NLRP5: variants seen among roughly 807,000 people sequenced by gnomAD.
NLRP5 encodes NLR family pyrin domain containing 5, also known as NACHT, LRR and PYD domains-containing protein 5.
Under a neutral mutation model 113.1 loss-of-function variants are expected in NLRP5, and 93 were observed. That is an observed-to-expected ratio of 0.82 (90% CI 0.70 to 0.98). The LOEUF (loss-of-function observed/expected upper bound fraction) is 0.98. NLRP5 is among the 50% of genes least tolerant of loss of function. The pLI, the probability that NLRP5 is intolerant of heterozygous loss-of-function variation, is 0.00. For missense variants in NLRP5, 1,808 were observed against 1,514.3 expected (o/e 1.19, Z -3.22); for synonymous variants, 751 against 600.7 (o/e 1.25, Z -3.66).
Position 56,027,892 on chromosome 19 carries a change from T to G in NLRP5, c.1659T>G (p.Val553=), listed in dbSNP as rs1243143311. 2 of 1,613,874 alleles carry G rather than the reference T, an allele frequency of 1.2e-6. No homozygotes were observed. The highest frequency in any genetic ancestry group is 1.7e-5 in the Admixed American group (1 of 59,984). Reference sequence around the variant, plus strand: ...TGTTTGACGGTGACGACCTCATGGTTCAAGGACTCGGGGAGTCTGAGCTCC... The same window carrying G: ...TGTTTGACGGTGACGACCTCATGGTGCAAGGACTCGGGGAGTCTGAGCTCC... Residue 553 remains valine, a synonymous_variant, in exon 7 of 15, where the codon GTT becomes GTG. Coordinates refer to ENST00000390649, the MANE Select transcript of NLRP5 (RefSeq NM_153447.4).
intron 9 of NLRP5, among the ~76,000 whole-genome samples, chr19:56,037,740 A>T (rs1370261595): frequency 6.7e-6 from 1 of 149,748 alleles, no homozygotes; most frequent in Non-Finnish European, 1.5e-5. Context: ...GTTGCTATGA[A>T]TGTTGAGACA....
chr19:56,034,352 C>T (rs1983235101), intron 9 of NLRP5, among the ~76,000 whole-genome samples: 1 of 152,230 alleles, frequency 6.6e-6, no homozygotes, highest in Non-Finnish European at 1.5e-5. Flanking sequence ...TGCCACTGCA[C>T]TCCAGCCTGG....
chr19:56,015,187 T>TTTTTG (rs1482421241), intron 3 of NLRP5, among the ~76,000 whole-genome samples: 1 of 152,066 alleles, frequency 6.6e-6, no homozygotes, highest in African/African-American at 2.4e-5. Flanking sequence ...GTTTGTTTTG[T>TTTTTG]TTTCGTTTTG....
At chr19:56,002,351 A>G (rs765082105) in intron 1 of NLRP5, among the ~76,000 whole-genome samples, 7 of 152,114 alleles carry the variant, frequency 4.6e-5, no homozygotes, top group Non-Finnish European at 8.8e-5. Context: ...AAAACTGTTT[A>G]CTGTGTTTAT....
At position 56,048,979 on chromosome 19, in the gene NLRP5, A is replaced by AT. The variant is rs60229740; in HGVS notation, c.2958-1419dup. Among the ~76,000 whole-genome samples, 439 of 94,930 alleles carry AT rather than the reference A, an allele frequency of 4.6e-3. 22 individuals are homozygous for AT. Among genetic ancestry groups the AT allele is most frequent in the East Asian group, 0.041 (123 of 2,996 alleles). The allele number at this position is 94,930 out of a possible 152,430, so 62.3% of individuals were successfully genotyped here. On this transcript the variant is annotated intron_variant, in intron 11 of 14. Transcript: ENST00000390649. ...CTTCAAGCTCTGATTTTTTTTTTTAATTTTTTTTTTTTTTTTTTTTGAGAC... is the reference window on the plus strand; with the variant it reads ...CTTCAAGCTCTGATTTTTTTTTTTAATTTTTTTTTTTTTTTTTTTTTGAGAC...
Position 56,015,819 on chromosome 19 carries a change from C to A in NLRP5, c.565+21C>A, listed in dbSNP as rs182256905. The A allele has an allele frequency of 2.7e-3, 4,178 of 1,529,022 alleles. 8 individuals are homozygous for A. Among genetic ancestry groups the A allele is most frequent in the Non-Finnish European group, 3.5e-3 (3,952 of 1,128,772 alleles). The allele number at this position is 1,529,022 out of a possible 1,614,324, so 94.7% of individuals were successfully genotyped here. A position where few individuals can be genotyped will look rare whatever the true frequency, so the allele number is the denominator to read the frequency against. ...ACAAGGTGAATGAAATAGATCTATTCATTTGTTGCCCTCCTGGAAGAAAGT... is the reference window on the plus strand; with the variant it reads ...ACAAGGTGAATGAAATAGATCTATTAATTTGTTGCCCTCCTGGAAGAAAGT... On this transcript the variant is annotated intron_variant, in intron 4 of 14. Coordinates refer to ENST00000390649, the MANE Select transcript of NLRP5 (RefSeq NM_153447.4).
chr19:56,001,047 C>T (rs185250409), intron 1 of NLRP5, among the ~76,000 whole-genome samples: 58 of 150,762 alleles, frequency 3.8e-4, no homozygotes, highest in African/African-American at 1.4e-3. Flanking sequence ...TTTGGCTGGG[C>T]GCAGTAGCTC....
chr19:56,053,288 G>C (rs60502432), intron 12 of NLRP5, among the ~76,000 whole-genome samples: 9,205 of 151,948 alleles, frequency 0.061, 353 homozygotes, highest in East Asian at 0.2. Context: ...CCAGCTATTC[G>C]GGAGGCTGAG....
rs1984344840 is a variant in NLRP5, at chr19:56,061,333, T to C, written c.3471-63T>C. On this transcript the variant is annotated intron_variant, in intron 14 of 14. Coordinates refer to ENST00000390649, the MANE Select transcript of NLRP5 (RefSeq NM_153447.4). The stretch of plus-strand genomic sequence containing the variant: ...ATCCTTGATGAGGCTACCAGGAATT[T>C]TGAAGAAGGGAGAAGAGTCGAAAGC... 1.9e-6 allele frequency: 3 copies of C among 1,569,080 alleles called. 1 individual carries two copies. The highest frequency in any genetic ancestry group is 2.4e-5 in the South Asian group (2 of 85,012).
chr19:55,993,016 A>G, the NLRP5 span, among the ~76,000 whole-genome samples: 5 of 151,668 alleles, frequency 3.3e-5, no homozygotes, highest in Non-Finnish European at 7.4e-5. Context: ...TGCCTGGCTA[A>G]TTTTGTATTT....
the NLRP5 span, among the ~76,000 whole-genome samples, chr19:55,990,909 A>G: frequency 1.3e-5 from 2 of 152,158 alleles, no homozygotes; most frequent in African/African-American, 2.4e-5. Flanking sequence ...ACTTGAACCC[A>G]GGAGACGGAG....
intron 11 of NLRP5, 71 bp from the exon 12 acceptor site, chr19:56,050,347 G>A: frequency 2.8e-6 from 4 of 1,433,778 alleles, no homozygotes; most frequent in African/African-American, 1.4e-5. Flanking sequence ...TGGGAGGAGA[G>A]CAGCAGCTCA....
rs560793044 is a variant in NLRP5, at chr19:56,027,724, G to A, written c.1491G>A (p.Thr497=). Residue 497 remains threonine (T), a synonymous_variant, in exon 7 of 15, where the codon ACG becomes ACA. Transcript: ENST00000390649. ...AGAGCGTCGCCCCCTTCAACCAAAC[G>A]CTCACAGGCCTGCACGCCGCTTTTG... 12 of 1,613,600 alleles carry A rather than the reference G, an allele frequency of 7.4e-6. No individual in the cohort carries two copies. Among genetic ancestry groups the A allele is most frequent in the East Asian group, 6.7e-5 (3 of 44,846 alleles).
chr19:56,053,842 C>T (rs753828022), intron 13 of NLRP5, 34 bp downstream of exon 13: 2 of 1,602,522 alleles, frequency 1.2e-6, no homozygotes, highest in South Asian at 2.2e-5. Flanking sequence ...GCGGGCCGGG[C>T]TGGGAGGAGG....
chr19:56,026,527 CAAAAAAAAAA>C (rs375845864), intron 6 of NLRP5, among the ~76,000 whole-genome samples: 3 of 40,346 alleles, frequency 7.4e-5, no homozygotes, highest in Non-Finnish European at 1.3e-4. Flanking sequence ...GACTCCATCT[CAAAAAAAAAA>C]AAAAAAAAAA....
At position 56,007,359 on chromosome 19, in the gene NLRP5, C is replaced by CTTTT. The variant is rs35019402; in HGVS notation, c.443-1420_443-1417dup. ...AGCCTGGGCGACAGATTGAGACTGT[C>CTTTT]TTTTTTTTTTTTATAGAAAGTCTTA... On this transcript the variant is annotated intron_variant, in intron 2 of 14. Transcript: ENST00000390649. Among the ~76,000 whole-genome samples the CTTTT allele has an allele frequency of 4.7e-3, 687 of 146,048 alleles. 4 individuals carry two copies. The highest frequency in any genetic ancestry group is 9.7e-3 in the East Asian group (48 of 4,958).
In NLRP5 at chr19:56,025,302, G is replaced by T. The variant is rs188498279; in HGVS notation, c.680-1611G>T. Reference sequence around the variant, plus strand: ...TTGTCTTCCACAAAACCGGTCCCTGGTGCCAAAAAGGTTGGGGATCACTGC... The same window carrying T: ...TTGTCTTCCACAAAACCGGTCCCTGTTGCCAAAAAGGTTGGGGATCACTGC... On this transcript the variant is annotated intron_variant, in intron 6 of 14. Coordinates refer to ENST00000390649, the MANE Select transcript of NLRP5 (RefSeq NM_153447.4). Among the ~76,000 whole-genome samples, 4 of 152,152 alleles carry T rather than the reference G, an allele frequency of 2.6e-5. No individual in the cohort carries two copies. In the East Asian group the frequency reaches 7.7e-4, roughly 29 times the overall value.
intron 7 of NLRP5, among the ~76,000 whole-genome samples, chr19:56,029,454 C>T (rs1983009012): frequency 6.6e-6 from 1 of 150,522 alleles, no homozygotes; most frequent in Non-Finnish European, 1.5e-5. Flanking sequence ...TTAGTAGAGA[C>T]AGGGTTTCAC....
chr19:56,050,288 A>AT, intron 11 of NLRP5, 130 bp from the exon 12 acceptor site: 2 of 704,156 alleles, frequency 2.8e-6, no homozygotes, highest in Non-Finnish European at 2.1e-6. Context: ...AAAAAAAAAA[A>AT]GAAAAAAAAA....
Sources: gnomAD v4.1 joint callset for allele counts (sites outside exome capture counted in the v4.1 genomes callset) on GRCh38, gnomAD v4.1.1 for gene constraint, MANE v1.5 for transcripts, NCBI Gene and HGNC (gene_info 2026-07-23, HGNC 2026-07-21) for gene names.